Variants in TJP1 observed in about 807,000 individuals in gnomAD.
TJP1 encodes tight junction protein ZO-1.
A neutral mutation model predicts 194.2 loss-of-function variants in TJP1; 43 were observed. The observed-to-expected ratio is 0.22, with a 90% CI of 0.17 to 0.29. The LOEUF is 0.29. TJP1 is among the 10% of genes least tolerant of loss of function. The pLI is 1.00. For missense variants in TJP1, 1,971 were observed against 2,185.7 expected (o/e 0.90, Z 1.96); for synonymous variants, 801 against 779.0 (o/e 1.03, Z -0.47).
chr15:29,714,566 A>T (rs1334891297), intron 23 of TJP1, among the ~76,000 whole-genome samples: 18 of 84,590 alleles, frequency 2.1e-4, no homozygotes, highest in Non-Finnish European at 6.7e-5. Flanking sequence ...TTTGAGACAG[A>T]GTCTCACTCT....
chr15:29,721,056 G>C (rs929046382), intron 18 of TJP1, among the ~76,000 whole-genome samples: 3 of 152,206 alleles, frequency 2.0e-5, no homozygotes, highest in Non-Finnish European at 4.4e-5. Flanking sequence ...GGGGAAGAGG[G>C]AGAATGTTAC....
At chr15:29,796,965 A>G (rs375059394) in intron 2 of TJP1, among the ~76,000 whole-genome samples, 3 of 3,736 alleles carry the variant, frequency 8.0e-4, no homozygotes, top group Non-Finnish European at 4.4e-3. Flanking sequence ...CATCTGTATG[A>G]AAAAAAAAAA....
chr15:29,743,169 A>G (rs1719261253), intron 8 of TJP1: 1 of 155,406 alleles, frequency 6.4e-6, no homozygotes, highest in African/African-American at 2.4e-5. Flanking sequence ...ATCAAGTCCT[A>G]AAAAAAGAGT....
rs200858766 is a variant in TJP1, at chr15:29,718,750, C to T, written c.3392G>A (p.Arg1131His). The change falls in exon 21 of 28, where the codon CGT becomes CAT. Residue 1131 changes from arginine to histidine, a missense_variant. Arg to His is a conservative substitution (Grantham distance 29). Around this residue, in one of 5 missense-constraint regions of TJP1, gnomAD observed 1,108 missense variants for 1,128.5 expected, o/e 0.98. Coordinates refer to ENST00000614355, the MANE Select transcript of TJP1 (RefSeq NM_001330239.4). Reference protein sequence around the residue: ...EESSERGYFPRFEEPAPLSYD... With the variant: ...EESSERGYFPHFEEPAPLSYD... ...AGACAGAGGGGCTGGCTCTTCAAAA[C>T]GTGGAAAGTACCCTCGTTCTGAGGA... 4.0e-5 allele frequency: 64 copies of T among 1,614,090 alleles called. No homozygotes were observed. In the Admixed American group the frequency reaches 7.3e-4, roughly 18 times the overall value.
chr15:29,806,939 T>C (rs943889364), intron 1 of TJP1, among the ~76,000 whole-genome samples: 12 of 152,070 alleles, frequency 7.9e-5, no homozygotes, highest in African/African-American at 2.9e-4. Flanking sequence ...CTAACGATAT[T>C]CAGGGATTCA....
chr15:29,953,329 A>T (rs1271873785), intron 2 of TJP1, among the ~76,000 whole-genome samples: 1 of 151,832 alleles, frequency 6.6e-6, no homozygotes, highest in African/African-American at 2.4e-5. Context: ...TTTAATAGAG[A>T]CGGGGTTGTG....
chr15:29,920,854 A>G (rs1210601104), intron 2 of TJP1, among the ~76,000 whole-genome samples: 1 of 152,188 alleles, frequency 6.6e-6, no homozygotes, highest in East Asian at 1.9e-4. Flanking sequence ...AAAACACTGT[A>G]TTTCAATAAT....
intron 2 of TJP1, among the ~76,000 whole-genome samples, chr15:29,795,761 A>G (rs1380276277): frequency 6.6e-6 from 1 of 152,198 alleles, no homozygotes; most frequent in African/African-American, 2.4e-5. Flanking sequence ...AATCTTCACA[A>G]AACATCAGCA....
intron 5 of TJP1, 141 bp downstream of exon 5, chr15:29,766,125 T>C: frequency 1.8e-6 from 2 of 1,123,038 alleles, no homozygotes; most frequent in Non-Finnish European, 2.5e-6. Context: ...AAGCCTGCCA[T>C]AACAGGATTT....
intron 2 of TJP1, among the ~76,000 whole-genome samples, chr15:29,888,755 G>A (rs1191751051): frequency 6.6e-6 from 1 of 152,154 alleles, no homozygotes; most frequent in Admixed American, 6.5e-5. Context: ...TGTCCCCAGA[G>A]TTCCAGCAGC....
intron 2 of TJP1, among the ~76,000 whole-genome samples, chr15:29,880,721 A>G (rs991260762): frequency 5.9e-5 from 9 of 152,148 alleles, no homozygotes; most frequent in Admixed American, 4.6e-4. Context: ...GGCTTATTTC[A>G]CTTAGAATAA....
At position 29,822,221 on chromosome 15, in the gene TJP1, G is replaced by T; in HGVS notation, c.-193C>A. 1 of 1,177,602 alleles carries T rather than the reference G, an allele frequency of 8.5e-7. No homozygotes were observed. The highest frequency in any genetic ancestry group is 1.0e-6 in the Non-Finnish European group (1 of 952,838). The allele number at this position is 1,177,602 out of a possible 1,614,324, so 72.9% of individuals were successfully genotyped here. On this transcript the variant is annotated 5_prime_UTR_variant, in exon 1 of 28. Transcript: ENST00000614355. ...CAAAAGTCCGGGAAGCGCCCGCCCC[G>T]CCCGGGTCTTCTCCACGGGGCGCGC...
At chr15:29,872,193 C>T (rs1279320210) in intron 2 of TJP1, among the ~76,000 whole-genome samples, 3 of 152,162 alleles carry the variant, frequency 2.0e-5, no homozygotes, top group African/African-American at 7.2e-5. Flanking sequence ...CTTGTTTTTT[C>T]TCTTACAAAC....
intron 15 of TJP1, chr15:29,728,248 G>A (rs1278878807): frequency 7.0e-6 from 3 of 429,336 alleles, no homozygotes; most frequent in African/African-American, 6.1e-5. Flanking sequence ...AGCCATTAAA[G>A]AAGAAAAAAT....
chr15:29,833,815 C>T (rs2050911746), intron 2 of TJP1, among the ~76,000 whole-genome samples: 1 of 136,872 alleles, frequency 7.3e-6, no homozygotes, highest in Non-Finnish European at 1.5e-5. Flanking sequence ...TTTATCCAAC[C>T]TCCTCATTTA....
Position 29,822,323 on chromosome 15 carries a change from GC to G in TJP1, c.-296del. The G allele has an allele frequency of 4.6e-6, 5 of 1,084,176 alleles. No individual in the cohort carries two copies. Among genetic ancestry groups the G allele is most frequent in the Non-Finnish European group, 5.6e-6 (5 of 893,314 alleles). The allele number at this position is 1,084,176 out of a possible 1,614,324, so 67.2% of individuals were successfully genotyped here. A position where few individuals can be genotyped will look rare whatever the true frequency, so the allele number is the denominator to read the frequency against. On this transcript the variant is annotated 5_prime_UTR_variant, in exon 1 of 28. Transcript: ENST00000614355. ...TTCGCAGCCCGGCCACGTCGGCCTC[GC>G]CCGGTCGCCCGCCCGTCAGCAGCAC...
At chr15:29,807,217 C>T (rs2049168397) in intron 1 of TJP1, among the ~76,000 whole-genome samples, 1 of 152,150 alleles carries the variant, frequency 6.6e-6, no homozygotes, top group African/African-American at 2.4e-5. Context: ...CTGTAATTTT[C>T]TGGTTGATCA....
chr15:29,905,369 C>A (rs1016467609), intron 2 of TJP1, among the ~76,000 whole-genome samples: 2 of 152,078 alleles, frequency 1.3e-5, no homozygotes, highest in Admixed American at 1.3e-4. Flanking sequence ...GGAAAAAAAT[C>A]TAAATGTTCA....
At chr15:29,793,091 CCTTTT>C (rs1456637425) in intron 2 of TJP1, among the ~76,000 whole-genome samples, 20 of 152,238 alleles carry the variant, frequency 1.3e-4, no homozygotes, top group African/African-American at 4.3e-4. Context: ...AATTTGGATG[CCTTTT>C]CTTTTCTTCT....
Sources: gnomAD v4.1 joint callset for allele counts (sites outside exome capture counted in the v4.1 genomes callset) on GRCh38, gnomAD v4.1.1 for gene constraint, gnomAD v4.1.1 regional missense constraint, MANE v1.5 for transcripts, NCBI Gene and HGNC (gene_info 2026-07-23, HGNC 2026-07-21) for gene names.